Variants in TMEM126A observed in about 807,000 individuals in gnomAD.
TMEM126A encodes transmembrane protein 126A.
A neutral mutation model predicts 18.3 loss-of-function variants in TMEM126A; 10 were observed. That is an observed-to-expected ratio of 0.55 (90% CI 0.34 to 0.93). The LOEUF is 0.93. Among genes scored for constraint, TMEM126A ranks in the 40% least tolerant of loss-of-function variants. The pLI is 0.02. For missense variants in TMEM126A, 246 were observed against 230.2 expected (o/e 1.07, Z -0.44); for synonymous variants, 68 against 78.1 (o/e 0.87, Z 0.68).
At position 85,656,366 on chromosome 11, in the gene TMEM126A, TTCTAAGCCTG is replaced by T. The variant is rs779276296; in HGVS notation, c.457_466del (p.Lys153LeufsTer27). 4.3e-6 allele frequency: 7 copies of T among 1,612,982 alleles called. No individual in the cohort carries two copies. Among genetic ancestry groups the T allele is most frequent in the Non-Finnish European group, 5.9e-6 (7 of 1,179,612 alleles). On this transcript the variant is annotated frameshift_variant, in exon 5 of 5. Transcript: ENST00000304511. LOFTEE classifies it high-confidence loss of function. ...ACATCTTAAGTTACTGGATTAGAAC[TTCTAAGCCTG>T]TCTTTAGAAAGATGTTATTTCCTAT...
At chr11:85,655,834 G>A (rs1365168107) in intron 4 of TMEM126A, 126 bp downstream of exon 4, 2 of 662,642 alleles carry the variant, frequency 3.0e-6, no homozygotes, top group East Asian at 5.5e-5. Flanking sequence ...TTAGAAGTTA[G>A]CAAGACCTGT....
rs865878230 is a variant in TMEM126A, at chr11:85,654,150, G to C, written c.174G>C (p.Leu58Phe). 1.2e-6 allele frequency: 2 copies of C among 1,614,070 alleles called. No homozygotes were observed. The highest frequency in any genetic ancestry group is 1.7e-6 in the Non-Finnish European group (2 of 1,180,052). ...CAAACAGTCTTTTTCGACGCATCTT[G>C]AATGTGACAAAGGCTCGCATAGCTG... ...LIANSLFRRILNVTKARIAAG... is the reference protein window; with the variant it reads ...LIANSLFRRIFNVTKARIAAG... Residue 58 changes from leucine (L) to phenylalanine (F), a missense_variant, in exon 3 of 5, where the codon TTG (leucine) becomes TTC (phenylalanine). Physicochemically the swap from Leu to Phe is conservative, Grantham distance 22. Coordinates refer to ENST00000304511, the MANE Select transcript of TMEM126A (RefSeq NM_032273.4).
At chr11:85,655,529 C>T in intron 3 of TMEM126A, 65 bp from the exon 4 acceptor site, 2 of 1,178,676 alleles carry the variant, frequency 1.7e-6, no homozygotes, top group Non-Finnish European at 2.6e-6. Flanking sequence ...GAGGATCTTA[C>T]ATTCTTTAAA....
chr11:85,654,668 G>C lies in TMEM126A; in HGVS notation c.280+412G>C, dbSNP rs565366928. Reference sequence around the variant, plus strand: ...GGGTTTCACCATGTTGGCCAGGCTGGTCTCAAACTCCTGACCTCAGGTGAT... The same window carrying C: ...GGGTTTCACCATGTTGGCCAGGCTGCTCTCAAACTCCTGACCTCAGGTGAT... On this transcript the variant is annotated intron_variant, in intron 3 of 4. Transcript: ENST00000304511. Among the ~76,000 whole-genome samples the C allele has an allele frequency of 1.2e-3, 182 of 152,192 alleles. 3 individuals are homozygous for C. The highest frequency in any genetic ancestry group is 4.3e-3 in the African/African-American group (179 of 41,512).
At position 85,654,065 on chromosome 11, in the gene TMEM126A, A is replaced by G. The variant is rs977325242; in HGVS notation, c.89A>G (p.Asn30Ser). 1.2e-6 allele frequency: 2 copies of G among 1,614,194 alleles called. No individual in the cohort carries two copies. The highest frequency in any genetic ancestry group is 1.1e-5 in the South Asian group (1 of 91,088). ...GTTCTTTCTTCTCACCCTTTCAGGA[A>G]TCTACTTGAAAATGGATCGGTTTAT... Reference protein sequence around the residue: ...KINQLPEAERNLLENGSVYVG... With the variant: ...KINQLPEAERSLLENGSVYVG... Residue 30 changes from asparagine to serine, a missense_variant and splice_region_variant, in exon 3 of 5, where the codon AAT becomes AGT. Coordinates refer to ENST00000304511, the MANE Select transcript of TMEM126A (RefSeq NM_032273.4).
intron 4 of TMEM126A, 79 bp from the exon 5 acceptor site, chr11:85,656,230 G>T: frequency 8.4e-7 from 1 of 1,196,140 alleles, no homozygotes. Context: ...AGACTTCTAG[G>T]ACTAATATGT....
intron 1 of TMEM126A, among the ~76,000 whole-genome samples, chr11:85,649,832 G>A (rs112533939): frequency 5.3e-5 from 8 of 152,102 alleles, no homozygotes; most frequent in Non-Finnish European, 8.8e-5. Flanking sequence ...CAGTTTTTCC[G>A]TAGGGCTGCT....
Position 85,656,400 on chromosome 11 carries a change from A to G in TMEM126A, c.487A>G (p.Ile163Val), listed in dbSNP as rs886048713. The change falls in exon 5 of 5, where the codon ATT becomes GTT. Residue 163 changes from isoleucine to valine, a missense_variant. By Grantham distance (29) the Ile-to-Val change is conservative (BLOSUM62 3). Transcript: ENST00000304511. Reference protein sequence around the residue: ...KPVFRKMLFPILLQTMFSAYL... With the variant: ...KPVFRKMLFPVLLQTMFSAYL... The stretch of plus-strand genomic sequence containing the variant: ...TGTCTTTAGAAAGATGTTATTTCCT[A>G]TTTTGCTCCAGACTATGTTTTCAGC... 4.3e-6 allele frequency: 7 copies of G among 1,613,186 alleles called. No homozygotes were observed. The highest frequency in any genetic ancestry group is 3.4e-6 in the Non-Finnish European group (4 of 1,179,614).
At chr11:85,648,838 G>T (rs1198013136) in intron 1 of TMEM126A, among the ~76,000 whole-genome samples, 1 of 151,986 alleles carries the variant, frequency 6.6e-6, no homozygotes, top group Non-Finnish European at 1.5e-5. Context: ...TATAAAACAG[G>T]TAGCAATAAA....
chr11:85,653,785 T>C (rs1021261909), intron 2 of TMEM126A, among the ~76,000 whole-genome samples: 1 of 152,208 alleles, frequency 6.6e-6, no homozygotes, highest in Admixed American at 6.5e-5. Flanking sequence ...AAGCCTGACA[T>C]GTAAATCGGT....
chr11:85,654,350 T>C, intron 3 of TMEM126A, 94 bp downstream of exon 3: 1 of 1,206,252 alleles, frequency 8.3e-7, no homozygotes, highest in Non-Finnish European at 1.2e-6. Context: ...AGCTGTATGC[T>C]GTAATGCAGT....
intron 2 of TMEM126A, 42 bp from the exon 3 acceptor site, chr11:85,654,021 A>C (rs781623091): frequency 4.4e-6 from 7 of 1,607,854 alleles, no homozygotes; most frequent in Non-Finnish European, 6.0e-6. Flanking sequence ...GCTCACACAC[A>C]CAATAATGCC....
At chr11:85,653,486 T>C (rs1459458220) in intron 2 of TMEM126A, among the ~76,000 whole-genome samples, 1 of 152,186 alleles carries the variant, frequency 6.6e-6, no homozygotes, top group Non-Finnish European at 1.5e-5. Context: ...TATTACTTTT[T>C]CCCAAAACTA....
intron 4 of TMEM126A, 100 bp from the exon 5 acceptor site, chr11:85,656,209 G>A (rs2082536934): frequency 2.8e-6 from 3 of 1,070,894 alleles, no homozygotes; most frequent in East Asian, 2.5e-5. Context: ...TTAATATTCA[G>A]TTTTATCTTA....
intron 3 of TMEM126A, 91 bp from the exon 4 acceptor site, chr11:85,655,503 C>T (rs1297229803): frequency 1.1e-6 from 1 of 944,264 alleles, no homozygotes. Context: ...CTGAAAAATA[C>T]CTGTGATACA....
intron 3 of TMEM126A, 27 bp downstream of exon 3, chr11:85,654,283 G>A (rs2082522202): frequency 6.2e-7 from 1 of 1,609,484 alleles, no homozygotes. Flanking sequence ...TATCACCAAA[G>A]AGTTTGCCTT....
chr11:85,655,461 C>A, intron 3 of TMEM126A, 133 bp from the exon 4 acceptor site: 1 of 705,588 alleles, frequency 1.4e-6, no homozygotes. Flanking sequence ...TACCTTTTAA[C>A]AGGCTTTGTA....
chr11:85,650,218 C>A, intron 1 of TMEM126A, 31 bp from the exon 2 acceptor site: 2 of 1,374,440 alleles, frequency 1.5e-6, no homozygotes, highest in Non-Finnish European at 2.1e-6. Flanking sequence ...TGTATAAATT[C>A]TTGAGAAATG....
At chr11:85,655,744 C>T (rs767522716) in intron 4 of TMEM126A, 36 bp downstream of exon 4, 77 of 1,408,120 alleles carry the variant, frequency 5.5e-5, no homozygotes, top group South Asian at 4.2e-4. Flanking sequence ...TATGTGATTA[C>T]CTATAAAACT....
Sources: gnomAD v4.1 joint callset for allele counts (sites outside exome capture counted in the v4.1 genomes callset) on GRCh38, gnomAD v4.1.1 for gene constraint, MANE v1.5 for transcripts, NCBI Gene and HGNC (gene_info 2026-07-23, HGNC 2026-07-21) for gene names.